SEMA3A: variants seen among roughly 807,000 people sequenced by gnomAD.
SEMA3A encodes the protein semaphorin-3A.
SEMA3A carries 29 observed loss-of-function variants against 97.9 expected under a neutral mutation model. The observed-to-expected ratio is 0.30, with a 90% CI of 0.22 to 0.40. The LOEUF is 0.40. Among genes scored for constraint, SEMA3A ranks in the 10% least tolerant of loss-of-function variants. The pLI is 1.00. For synonymous variants in SEMA3A, 321 were observed against 323.7 expected (o/e 0.99, Z 0.09); for missense variants, 763 against 951.3 (o/e 0.80, Z 2.60).
chr7:84,195,099 T>A (rs1344409014), upstream of SEMA3A: 4 of 151,432 alleles, frequency 2.6e-5, no homozygotes, highest in Admixed American at 2.6e-4. Context: ...TAGAGGGAGA[T>A]GACACAAGAT....
chr7:84,056,785 T>A (rs1323409136), intron 5 of SEMA3A, among the ~76,000 whole-genome samples: 1 of 152,206 alleles, frequency 6.6e-6, no homozygotes, highest in Admixed American at 6.5e-5. Context: ...ACAGTTTATA[T>A]GTCTACATGG....
intron 1 of SEMA3A, among the ~76,000 whole-genome samples, chr7:84,447,337 A>G (rs1805442678): frequency 6.6e-6 from 1 of 152,096 alleles, no homozygotes; most frequent in South Asian, 2.1e-4. Flanking sequence ...GGGCGGAGAG[A>G]CGGTCCTGGT....
At chr7:84,181,437 G>T (rs1797735490) in intron 1 of SEMA3A, among the ~76,000 whole-genome samples, 1 of 151,500 alleles carries the variant, frequency 6.6e-6, no homozygotes, top group South Asian at 2.1e-4. Flanking sequence ...ATAAAAGTTA[G>T]CTGTAGTCAG....
At chr7:84,021,574 C>G (rs1165848605) in intron 6 of SEMA3A, among the ~76,000 whole-genome samples, 3 of 152,204 alleles carry the variant, frequency 2.0e-5, no homozygotes, top group Non-Finnish European at 4.4e-5. Flanking sequence ...ACACACAAAC[C>G]TTTCCCTGGC....
At chr7:84,103,631 A>C (rs1795022297) in intron 4 of SEMA3A, among the ~76,000 whole-genome samples, 1 of 152,124 alleles carries the variant, frequency 6.6e-6, no homozygotes, top group Non-Finnish European at 1.5e-5. Context: ...ATTTTAAAAA[A>C]ATAAAATATT....
intron 3 of SEMA3A, among the ~76,000 whole-genome samples, chr7:84,216,823 T>C (rs527902058): frequency 2.2e-4 from 34 of 152,152 alleles, no homozygotes; most frequent in African/African-American, 8.2e-4. Context: ...AAAAGGAATG[T>C]CCTCAGAGGC....
chr7:84,419,142 A>C (rs1353377247), intron 1 of SEMA3A, among the ~76,000 whole-genome samples: 1 of 152,060 alleles, frequency 6.6e-6, no homozygotes, highest in Non-Finnish European at 1.5e-5. Flanking sequence ...GATGTGTGTC[A>C]CCCTCAATTC....
intron 15 of SEMA3A, among the ~76,000 whole-genome samples, chr7:83,971,985 CTGTGTG>C (rs10689027): frequency 2.0e-5 from 3 of 150,050 alleles, no homozygotes; most frequent in Admixed American, 6.7e-5. Flanking sequence ...ATTGGCTAGT[CTGTGTG>C]TGTGTGTGTG....
At chr7:84,392,520 C>T (rs985392963) in intron 1 of SEMA3A, among the ~76,000 whole-genome samples, 1 of 152,062 alleles carries the variant, frequency 6.6e-6, no homozygotes, top group Admixed American at 6.6e-5. Context: ...AATAGTGCTG[C>T]AATAAACATG....
chr7:84,102,410 G>A (rs2115904583), intron 4 of SEMA3A, among the ~76,000 whole-genome samples: 1 of 152,172 alleles, frequency 6.6e-6, no homozygotes, highest in Non-Finnish European at 1.5e-5. Context: ...TGATCTACAA[G>A]TACTAACTGG....
intron 1 of SEMA3A, among the ~76,000 whole-genome samples, chr7:84,428,228 T>G (rs1804878474): frequency 6.6e-6 from 1 of 152,138 alleles, no homozygotes; most frequent in Admixed American, 6.6e-5. Context: ...GAAGTCAAGT[T>G]CCTGCTTTGA....
chr7:84,235,196 TAAAC>T (rs1262332393), intron 3 of SEMA3A, among the ~76,000 whole-genome samples: 4 of 152,216 alleles, frequency 2.6e-5, no homozygotes, highest in Non-Finnish European at 2.9e-5. Context: ...ACTTGTTAAA[TAAAC>T]TATGTAAGTA....
intron 2 of SEMA3A, among the ~76,000 whole-genome samples, chr7:84,357,828 T>C (rs190250829): frequency 0.62 from 93,763 of 151,076 alleles, 30,581 homozygotes; most frequent in African/African-American, 0.82. Flanking sequence ...GATCGCCATT[T>C]TAACTGGTAT....
In SEMA3A at chr7:84,068,554, C is replaced by T. The variant is rs955142577; in HGVS notation, c.454-7996G>A. On this transcript the variant is annotated intron_variant, in intron 4 of 16. Transcript: ENST00000265362. ...AATATGTATATGCGACTATATATTA[C>T]AGACTAAAAGAAGCAGCAGAACGAA... is the stretch of plus-strand genomic sequence containing the variant. Among the ~76,000 whole-genome samples, 5 of 151,924 alleles carry T rather than the reference C, an allele frequency of 3.3e-5. No homozygotes were observed. The East Asian group carries it at 5.8e-4, about 18-fold the overall frequency.
intron 3 of SEMA3A, among the ~76,000 whole-genome samples, chr7:84,118,136 T>G (rs1795490503): frequency 6.6e-6 from 1 of 152,328 alleles, no homozygotes; most frequent in African/African-American, 2.4e-5. Context: ...CAGAGATAGA[T>G]TTAACAAAAT....
intron 3 of SEMA3A, among the ~76,000 whole-genome samples, chr7:84,271,473 T>C (rs545846679): frequency 6.6e-6 from 1 of 152,238 alleles, no homozygotes; most frequent in African/African-American, 2.4e-5. Context: ...CAGGTCACTA[T>C]TACAATATCT....
At chr7:84,315,201 G>T in intron 2 of SEMA3A, among the ~76,000 whole-genome samples, 1 of 152,028 alleles carries the variant, frequency 6.6e-6, no homozygotes, top group South Asian at 2.1e-4. Flanking sequence ...TCAGATCACT[G>T]AACAGGTATG....
chr7:84,373,237 G>GGCCA (rs1803014855), intron 1 of SEMA3A, among the ~76,000 whole-genome samples: 1 of 152,246 alleles, frequency 6.6e-6, no homozygotes, highest in African/African-American at 2.4e-5. Context: ...GTTTCTTTAA[G>GGCCA]GCCACCAACT....
At chr7:84,399,599 C>T (rs1310365241) in intron 1 of SEMA3A, among the ~76,000 whole-genome samples, 1 of 152,184 alleles carries the variant, frequency 6.6e-6, no homozygotes, top group Non-Finnish European at 1.5e-5. Flanking sequence ...AAATAAAGCA[C>T]CAGGGAGAAT....
Sources: allele counts gnomAD v4.1 joint callset (sites outside exome capture counted in the v4.1 genomes callset), GRCh38; gene constraint gnomAD v4.1.1; transcripts MANE v1.5; gene names NCBI Gene and HGNC (gene_info 2026-07-23, HGNC 2026-07-21).